RNF144A: variants seen among roughly 807,000 people sequenced by gnomAD.
RNF144A encodes the protein E3 ubiquitin-protein ligase RNF144A.
In RNF144A, 11 loss-of-function variants were observed where a neutral mutation model predicts 38.7. The observed-to-expected ratio is 0.28, with a 90% CI of 0.18 to 0.47. RNF144A has a LOEUF of 0.47. RNF144A is among the 20% of genes least tolerant of loss of function. The pLI, the probability that RNF144A is intolerant of heterozygous loss-of-function variation, is 0.99. For missense variants in RNF144A, 316 were observed against 377.2 expected, an observed-to-expected ratio of 0.84 and a Z score of 1.34; for synonymous variants, 149 against 143.9, an observed-to-expected ratio of 1.04 and a Z score of -0.25.
At chr2:6,995,589 C>G (rs1051681066) in intron 2 of RNF144A, among the ~76,000 whole-genome samples, 7 of 152,202 alleles carry the variant, frequency 4.6e-5, no homozygotes, top group African/African-American at 1.4e-4. Context: ...AGTCCCAAAG[C>G]TGAAGAACTT....
At chr2:7,074,139 C>T in the RNF144A span, among the ~76,000 whole-genome samples, 1 of 152,214 alleles carries the variant, frequency 6.6e-6, no homozygotes, top group Admixed American at 6.5e-5. Context: ...CATTAAATCA[C>T]AATGACTCTG....
Position 6,972,044 on chromosome 2 carries a change from G to T in RNF144A, c.-11-24872G>T, listed in dbSNP as rs905056655. On this transcript the variant is annotated intron_variant, in intron 2 of 8. Coordinates refer to ENST00000320892, the MANE Select transcript of RNF144A (RefSeq NM_014746.6). ...CATAGGCCCCTGGGGAGGAATTACT[G>T]TCTCCCCCCAGGGTTCCGATCCAGC... Among the ~76,000 whole-genome samples the T allele has an allele frequency of 7.2e-5, 11 of 152,220 alleles. No homozygotes were observed. The East Asian group carries it at 1.9e-3, about 27-fold the overall frequency.
At chr2:6,957,598 A>G (rs1448502137) in intron 2 of RNF144A, among the ~76,000 whole-genome samples, 1 of 151,984 alleles carries the variant, frequency 6.6e-6, no homozygotes, top group Non-Finnish European at 1.5e-5. Flanking sequence ...GTTTATCTCT[A>G]TTTCCTCCAA....
chr2:7,021,189 G>A (rs983017451), intron 6 of RNF144A, among the ~76,000 whole-genome samples: 1 of 152,164 alleles, frequency 6.6e-6, no homozygotes. Flanking sequence ...ACCACGCTCT[G>A]TACTTTGACA....
intron 2 of RNF144A, among the ~76,000 whole-genome samples, chr2:6,957,689 C>A (rs1395334382): frequency 6.6e-6 from 1 of 152,228 alleles, no homozygotes; most frequent in Non-Finnish European, 1.5e-5. Flanking sequence ...TCTCTAAATA[C>A]TTGGACTTTA....
chr2:6,920,647 G>A (rs965710564), intron 1 of RNF144A, among the ~76,000 whole-genome samples: 4 of 152,320 alleles, frequency 2.6e-5, no homozygotes, highest in Non-Finnish European at 4.4e-5. Context: ...GGGACTCTCC[G>A]TGTTTTCTCT....
At chr2:7,074,171 G>A in the RNF144A span, among the ~76,000 whole-genome samples, 1 of 152,162 alleles carries the variant, frequency 6.6e-6, no homozygotes, top group Non-Finnish European at 1.5e-5. Context: ...TGGTTTTCAG[G>A]AATTTGGCAG....
chr2:6,989,464 C>T (rs1344069227), intron 2 of RNF144A, among the ~76,000 whole-genome samples: 2 of 152,182 alleles, frequency 1.3e-5, no homozygotes, highest in Non-Finnish European at 2.9e-5. Context: ...TGAACTTGGC[C>T]ATTATTATTA....
chr2:6,996,830 C>T, intron 2 of RNF144A, 86 bp from the exon 3 acceptor site: 1 of 1,402,042 alleles, frequency 7.1e-7, no homozygotes. Context: ...TCCCTGGGTC[C>T]CAGCTACAGC....
intron 7 of RNF144A, among the ~76,000 whole-genome samples, chr2:7,028,930 C>G (rs1449634452): frequency 6.6e-6 from 1 of 152,174 alleles, no homozygotes; most frequent in Non-Finnish European, 1.5e-5. Context: ...TTTGATGGCC[C>G]TCCATTCACT....
chr2:6,960,982 G>T (rs751295852), intron 2 of RNF144A, among the ~76,000 whole-genome samples: 1 of 152,152 alleles, frequency 6.6e-6, no homozygotes, highest in Non-Finnish European at 1.5e-5. Context: ...GTGTGTACGT[G>T]TGTGTGTTTG....
chr2:7,036,571 T>C (rs1672692829), intron 8 of RNF144A, among the ~76,000 whole-genome samples: 1 of 152,240 alleles, frequency 6.6e-6, no homozygotes, highest in Non-Finnish European at 1.5e-5. Flanking sequence ...TACACCAGGA[T>C]GCTAAGCTCT....
At chr2:6,934,841 A>G (rs1051174905) in intron 1 of RNF144A, among the ~76,000 whole-genome samples, 1 of 152,242 alleles carries the variant, frequency 6.6e-6, no homozygotes. Context: ...GACCTGGGCA[A>G]GGATTTTAAC....
At chr2:6,985,172 A>C (rs1437976980) in intron 2 of RNF144A, among the ~76,000 whole-genome samples, 1 of 152,266 alleles carries the variant, frequency 6.6e-6, no homozygotes, top group East Asian at 1.9e-4. Context: ...CTGTGGCCTA[A>C]TACTGATAAA....
chr2:6,981,250 C>A (rs1043964505), intron 2 of RNF144A, among the ~76,000 whole-genome samples: 1 of 152,166 alleles, frequency 6.6e-6, no homozygotes, highest in African/African-American at 2.4e-5. Flanking sequence ...ATTTCTGCAG[C>A]GGGCTTGAAT....
intron 8 of RNF144A, among the ~76,000 whole-genome samples, chr2:7,033,960 A>T (rs536030184): frequency 9.9e-5 from 15 of 152,066 alleles, no homozygotes; most frequent in Non-Finnish European, 1.8e-4. Context: ...GGCTTTCTAC[A>T]CGTGGGGAAC....
chr2:6,980,253 C>T (rs1668550806), intron 2 of RNF144A, among the ~76,000 whole-genome samples: 2 of 152,208 alleles, frequency 1.3e-5, no homozygotes, highest in Admixed American at 1.3e-4. Flanking sequence ...ATCATGCTCT[C>T]CAACAGCCCC....
intron 5 of RNF144A, among the ~76,000 whole-genome samples, 173 bp from the exon 6 acceptor site, chr2:7,020,300 C>T (rs1413758614): frequency 2.0e-5 from 3 of 152,002 alleles, no homozygotes; most frequent in African/African-American, 4.8e-5. Context: ...AGAGCTACAG[C>T]GGAGGTGGAG....
At position 7,031,904 on chromosome 2, in the gene RNF144A, C is replaced by A. The variant is rs570652473; in HGVS notation, c.747+1689C>A. 7.9e-5 allele frequency among the ~76,000 whole-genome samples: 12 copies of A among 152,366 alleles called. No individual in the cohort carries two copies. The South Asian group carries it at 2.5e-3, about 32-fold the overall frequency. On this transcript the variant is annotated intron_variant, in intron 8 of 8. Coordinates refer to ENST00000320892, the MANE Select transcript of RNF144A (RefSeq NM_014746.6). ...TGCCAACGGTACGTCAGTGAGTTAC[C>A]TTGGCCGTGTTCCAGTGAAACTGTT... is the stretch of plus-strand genomic sequence containing the variant.
Sources: allele counts gnomAD v4.1 joint callset (sites outside exome capture counted in the v4.1 genomes callset), GRCh38; gene constraint gnomAD v4.1.1; transcripts MANE v1.5; gene names NCBI Gene and HGNC (gene_info 2026-07-23, HGNC 2026-07-21).